The following PPARGC1A variants were observed in gnomAD, a reference collection of about 807,000 sequenced individuals.
The protein encoded by PPARGC1A is peroxisome proliferator-activated receptor gamma coactivator 1-alpha.
In PPARGC1A, 25 loss-of-function variants were observed where a neutral mutation model predicts 88.7. That is an observed-to-expected ratio of 0.28 (90% CI 0.21 to 0.39). PPARGC1A has a LOEUF of 0.39. Among genes scored for constraint, PPARGC1A ranks in the 10% least tolerant of loss-of-function variants. The pLI is 1.00. For missense variants in PPARGC1A, 880 were observed against 968.7 expected (o/e 0.91, Z 1.22); for synonymous variants, 363 against 355.6 (o/e 1.02, Z -0.24).
the PPARGC1A span, among the ~76,000 whole-genome samples, chr4:24,240,636 G>T: frequency 6.6e-6 from 1 of 152,282 alleles, no homozygotes; most frequent in Non-Finnish European, 1.5e-5. Context: ...AGCACAAACT[G>T]ATTAATTTTA....
At chr4:24,346,557 T>G in the PPARGC1A span, among the ~76,000 whole-genome samples, 1 of 152,158 alleles carries the variant, frequency 6.6e-6, no homozygotes, top group Non-Finnish European at 1.5e-5. Flanking sequence ...ACTTTCTATG[T>G]GCATAAAGGT....
chr4:24,315,426 T>C, the PPARGC1A span, among the ~76,000 whole-genome samples: 3 of 152,174 alleles, frequency 2.0e-5, no homozygotes, highest in Non-Finnish European at 4.4e-5. Context: ...GTTTTATGCA[T>C]AGCGTTAGGT....
chr4:24,430,406 C>T, the PPARGC1A span, among the ~76,000 whole-genome samples: 3 of 151,662 alleles, frequency 2.0e-5, no homozygotes, highest in Non-Finnish European at 2.9e-5. Context: ...TGCAGGCGCC[C>T]GCCACCACGC....
the PPARGC1A span, among the ~76,000 whole-genome samples, chr4:24,024,238 C>T: frequency 6.6e-6 from 1 of 152,206 alleles, no homozygotes; most frequent in Non-Finnish European, 1.5e-5. Flanking sequence ...AGACATTTTA[C>T]ATGACTTATC....
At chr4:24,259,970 G>T in the PPARGC1A span, among the ~76,000 whole-genome samples, 7 of 152,152 alleles carry the variant, frequency 4.6e-5, no homozygotes, top group Non-Finnish European at 8.8e-5. Flanking sequence ...TGGGTGACCT[G>T]GCTTCTTGGC....
At position 23,813,099 on chromosome 4, in the gene PPARGC1A, T is replaced by C. The variant is rs765106714; in HGVS notation, c.1820A>G (p.His607Arg). The change falls in exon 9 of 13, where the codon CAC becomes CGC. Residue 607 changes from histidine to arginine, a missense_variant. Transcript: ENST00000264867. ...SRSCYYYESS[H>R]YRHRTHRNSP... The stretch of plus-strand genomic sequence containing the variant: ...ATTTCGGTGCGTGCGGTGTCTGTAG[T>C]GGCTTGACTCATAGTAATAGCAGGA... 13 of 1,614,040 alleles carry C rather than the reference T, an allele frequency of 8.1e-6. No homozygotes were observed. In the Admixed American group the frequency reaches 1.8e-4, roughly 23 times the overall value.
the PPARGC1A span, among the ~76,000 whole-genome samples, chr4:24,166,202 A>G: frequency 6.6e-6 from 1 of 152,216 alleles, no homozygotes; most frequent in Non-Finnish European, 1.5e-5. Context: ...TAGAGCCCTA[A>G]CTCTCTTCAA....
chr4:23,908,103 T>A (rs1361768124), upstream of PPARGC1A, among the ~76,000 whole-genome samples: 7 of 152,352 alleles, frequency 4.6e-5, no homozygotes, highest in East Asian at 1.3e-3. Context: ...CATGGGATGT[T>A]GGGGCACATG....
the PPARGC1A span, among the ~76,000 whole-genome samples, chr4:24,261,773 TCTTA>T: frequency 1.3e-5 from 2 of 150,252 alleles, no homozygotes; most frequent in African/African-American, 2.4e-5. Context: ...AAGGGCCCCT[TCTTA>T]CTTAAAGATC....
the PPARGC1A span, among the ~76,000 whole-genome samples, chr4:24,176,762 G>A: frequency 6.6e-6 from 1 of 152,020 alleles, no homozygotes; most frequent in Non-Finnish European, 1.5e-5. Flanking sequence ...GTGGGACTGG[G>A]GACAAGGAGG....
chr4:24,018,482 G>A, the PPARGC1A span, among the ~76,000 whole-genome samples: 1 of 151,940 alleles, frequency 6.6e-6, no homozygotes, highest in Non-Finnish European at 1.5e-5. Flanking sequence ...TTTGGATGTG[G>A]GGTGAGGGTG....
At chr4:24,256,998 T>C in the PPARGC1A span, among the ~76,000 whole-genome samples, 7 of 152,160 alleles carry the variant, frequency 4.6e-5, no homozygotes, top group Admixed American at 1.3e-4. Flanking sequence ...AAGACCACTG[T>C]AGGGAGATGC....
At chr4:24,342,577 C>T in the PPARGC1A span, among the ~76,000 whole-genome samples, 1 of 152,072 alleles carries the variant, frequency 6.6e-6, no homozygotes, top group African/African-American at 2.4e-5. Flanking sequence ...ATAAGGAAGT[C>T]GTTCATATTA....
chr4:24,448,321 C>G, the PPARGC1A span, among the ~76,000 whole-genome samples: 4 of 152,198 alleles, frequency 2.6e-5, no homozygotes, highest in African/African-American at 7.2e-5. Flanking sequence ...GGCCCACACT[C>G]TTCTTTGTTT....
the PPARGC1A span, among the ~76,000 whole-genome samples, chr4:24,312,831 T>C: frequency 1.3e-5 from 2 of 152,186 alleles, no homozygotes; most frequent in South Asian, 2.1e-4. Flanking sequence ...AATTTTATCA[T>C]GAAGAATCCC....
intron 2 of PPARGC1A, among the ~76,000 whole-genome samples, chr4:23,858,082 A>G (rs187948510): frequency 3.2e-4 from 49 of 152,228 alleles, no homozygotes; most frequent in Admixed American, 8.5e-4. Flanking sequence ...GGAAAAGTAA[A>G]GGACTTATTA....
At chr4:23,853,545 A>G (rs550694483) in intron 2 of PPARGC1A, among the ~76,000 whole-genome samples, 16 of 152,308 alleles carry the variant, frequency 1.1e-4, no homozygotes, top group South Asian at 8.3e-4. Context: ...GAACCTGATA[A>G]GCACTTAGGC....
At chr4:24,435,463 T>C in the PPARGC1A span, among the ~76,000 whole-genome samples, 1 of 152,204 alleles carries the variant, frequency 6.6e-6, no homozygotes, top group Non-Finnish European at 1.5e-5. Flanking sequence ...TCCTGTTTTC[T>C]CATCAGATCT....
chr4:23,834,018 G>A (rs1378512771), intron 2 of PPARGC1A, among the ~76,000 whole-genome samples: 1 of 151,910 alleles, frequency 6.6e-6, no homozygotes, highest in Non-Finnish European at 1.5e-5. Context: ...TATAAAAATT[G>A]GCTGGGCACG....
Sources: gnomAD v4.1 joint callset for allele counts (sites outside exome capture counted in the v4.1 genomes callset) on GRCh38, gnomAD v4.1.1 for gene constraint, MANE v1.5 for transcripts, NCBI Gene and HGNC (gene_info 2026-07-23, HGNC 2026-07-21) for gene names.